The following LZTFL1 variants were observed in gnomAD, a reference collection of about 807,000 sequenced individuals.
LZTFL1 encodes the protein leucine zipper transcription factor like 1.
A neutral mutation model predicts 45.9 loss-of-function variants in LZTFL1; 25 were observed. That is an observed-to-expected ratio of 0.54 (90% CI 0.40 to 0.76). LZTFL1 has a LOEUF of 0.76. LZTFL1 is among the 30% of genes least tolerant of loss of function. LZTFL1 has a pLI of 0.00. For synonymous variants in LZTFL1, 93 were observed against 117.4 expected, an observed-to-expected ratio of 0.79 and a Z score of 1.35; for missense variants, 277 against 331.1, an observed-to-expected ratio of 0.84 and a Z score of 1.27.
chr3:45,888,801 G>T (rs1426809862), intron 2 of LZTFL1, among the ~76,000 whole-genome samples: 1 of 151,684 alleles, frequency 6.6e-6, no homozygotes, highest in African/African-American at 2.4e-5. Context: ...TGACAAAAAT[G>T]AAAGAGAAAT....
intron 2 of LZTFL1, among the ~76,000 whole-genome samples, chr3:45,910,748 G>T (rs1418533530): frequency 1.3e-5 from 2 of 152,196 alleles, no homozygotes; most frequent in African/African-American, 4.8e-5. Flanking sequence ...TAAGAACCTT[G>T]CTTGTATTCA....
At chr3:45,886,041 T>G (rs1701972258) in intron 2 of LZTFL1, among the ~76,000 whole-genome samples, 1 of 152,184 alleles carries the variant, frequency 6.6e-6, no homozygotes, top group African/African-American at 2.4e-5. Context: ...TTAATTAATT[T>G]GAATTTAAAT....
At position 45,901,449 on chromosome 3, in the gene LZTFL1, C is replaced by G; in HGVS notation, c.-215+11671G>C. The G allele has an allele frequency of 6.2e-7, 1 of 1,614,156 alleles. No individual in the cohort carries two copies. Among genetic ancestry groups the G allele is most frequent in the African/African-American group, 1.3e-5 (1 of 75,034 alleles). On this transcript the variant is annotated intron_variant, in intron 2 of 4. Transcript: ENST00000472635. The surrounding 1 kb of genome is among the most constrained non-coding windows in gnomAD (Gnocchi z 4.3). ...AGCTGTCTTGACCCTGAAGGTCATT[C>G]TGGGGTTCTTCCTTCCCTTCGTGGT...
intron 1 of LZTFL1, among the ~76,000 whole-genome samples, chr3:45,840,535 A>G (rs1701080877): frequency 6.6e-6 from 1 of 152,270 alleles, no homozygotes; most frequent in African/African-American, 2.4e-5. Flanking sequence ...TATGATGATC[A>G]GTCCTAAAAT....
intron 2 of LZTFL1, among the ~76,000 whole-genome samples, chr3:45,909,297 T>C (rs892167841): frequency 6.6e-6 from 1 of 152,198 alleles, no homozygotes; most frequent in African/African-American, 2.4e-5. Context: ...TGCAGGTCCA[T>C]GGAAAAACTG....
intron 2 of LZTFL1, chr3:45,902,166 C>A: frequency 5.8e-6 from 2 of 347,000 alleles, no homozygotes; most frequent in Non-Finnish European, 1.1e-5. Context: ...AGCACCCTGG[C>A]TTTGCCACTC....
At chr3:45,826,651 C>A (rs2125674291) in intron 9 of LZTFL1, among the ~76,000 whole-genome samples, 1 of 152,338 alleles carries the variant, frequency 6.6e-6, no homozygotes, top group African/African-American at 2.4e-5. Flanking sequence ...AGCAAATCTA[C>A]TTCTCTAAGG....
chr3:45,901,754 G>A lies in LZTFL1; in HGVS notation c.-215+11366C>T. The A allele has an allele frequency of 6.2e-7, 1 of 1,614,170 alleles. No individual in the cohort carries two copies. On this transcript the variant is annotated intron_variant, in intron 2 of 4. Transcript: ENST00000472635. The surrounding 1 kb of genome is among the most constrained non-coding windows in gnomAD (Gnocchi z 4.3). ...CTGTTCTCTATGTTTTTGTGGGTGA[G>A]AGATTCCGCCGGGATCTCGTGAAAA...
chr3:45,915,359 C>A lies in LZTFL1; in HGVS notation c.-273+62G>T, dbSNP rs1420966661. 7 of 369,496 alleles carry A rather than the reference C, an allele frequency of 1.9e-5. No individual in the cohort carries two copies. The Admixed American group carries it at 2.3e-4, about 12-fold the overall frequency. The allele number at this position is 369,496 out of a possible 1,614,324, so 22.9% of individuals were successfully genotyped here. On this transcript the variant is annotated intron_variant, in intron 1 of 4. Transcript: ENST00000472635. The stretch of plus-strand genomic sequence containing the variant: ...CCCGCACCGCCCACCTCCGCCCCAC[C>A]CTTCTCCCTCACCAGCTTTCCTCTC...
At chr3:45,841,892 G>A (rs999703791) in intron 1 of LZTFL1, 97 bp downstream of exon 1, 1 of 1,480,728 alleles carries the variant, frequency 6.8e-7, no homozygotes, top group Non-Finnish European at 9.2e-7. Context: ...GACCCAACGA[G>A]GCCACGTAAT....
At chr3:45,912,886 T>C (rs1321695401) in intron 2 of LZTFL1, among the ~76,000 whole-genome samples, 3 of 152,196 alleles carry the variant, frequency 2.0e-5, no homozygotes, top group Non-Finnish European at 2.9e-5. Flanking sequence ...CGCAGAATAA[T>C]GCAGCTTGGT....
intron 2 of LZTFL1, among the ~76,000 whole-genome samples, chr3:45,910,447 G>A (rs2125773008): frequency 6.6e-6 from 1 of 152,328 alleles, no homozygotes; most frequent in Middle Eastern, 3.4e-3. Flanking sequence ...GAGCAAGTCT[G>A]GGGATGCTAC....
In LZTFL1 at chr3:45,828,620, G is replaced by A. The variant is rs1261478047; in HGVS notation, c.601-5C>T. 6 of 1,597,742 alleles carry A rather than the reference G, an allele frequency of 3.8e-6. No homozygotes were observed. In the East Asian group the frequency reaches 1.3e-4, roughly 36 times the overall value. ...GTCTTGGGCCTTTATAAAATCCTAT[G>A]AAAAATAAATGCATGCATGTAATTT... On this transcript the variant is annotated splice_region_variant and splice_polypyrimidine_tract_variant and intron_variant, in intron 7 of 9. Coordinates refer to ENST00000296135, the MANE Select transcript of LZTFL1 (RefSeq NM_020347.4).
chr3:45,891,196 G>A (rs1306640519), intron 2 of LZTFL1, among the ~76,000 whole-genome samples: 1 of 152,358 alleles, frequency 6.6e-6, no homozygotes, highest in East Asian at 1.9e-4. Flanking sequence ...GCTGGGTAAG[G>A]TCACGGCCGG....
chr3:45,910,882 T>A (rs756468022), intron 2 of LZTFL1, among the ~76,000 whole-genome samples: 1 of 152,156 alleles, frequency 6.6e-6, no homozygotes, highest in African/African-American at 2.4e-5. Flanking sequence ...CATATTTAGC[T>A]TGGGGTCTCT....
chr3:45,911,647 C>T (rs1702796765), intron 2 of LZTFL1, among the ~76,000 whole-genome samples: 1 of 152,228 alleles, frequency 6.6e-6, no homozygotes, highest in African/African-American at 2.4e-5. Context: ...GGACAGGGGG[C>T]CCTAGCTGGG....
intron 2 of LZTFL1, among the ~76,000 whole-genome samples, chr3:45,888,699 T>A (rs183173025): frequency 6.6e-6 from 1 of 152,312 alleles, no homozygotes; most frequent in East Asian, 1.9e-4. Context: ...TTTTCCCCCC[T>A]ATATTTTTCC....
In LZTFL1 at chr3:45,901,119, C is replaced by A. The variant is rs113503995; in HGVS notation, c.-215+12001G>T. On this transcript the variant is annotated intron_variant, in intron 2 of 4. Coordinates refer to the LZTFL1 transcript ENST00000472635. The surrounding 1 kb of genome is among the most constrained non-coding windows in gnomAD (Gnocchi z 4.3). Reference sequence around the variant, plus strand: ...CTTCTGGGCCATTGCTGCTGCTGACCAGTGGAAGTTCCAGACCTTCATGTG... The same window carrying A: ...CTTCTGGGCCATTGCTGCTGCTGACAAGTGGAAGTTCCAGACCTTCATGTG... 1.1e-5 allele frequency: 18 copies of A among 1,614,144 alleles called. No individual in the cohort carries two copies. In the African/African-American group the frequency reaches 1.3e-4, roughly 12 times the overall value.
intron 2 of LZTFL1, among the ~76,000 whole-genome samples, chr3:45,877,739 T>C (rs1701772826): frequency 6.7e-6 from 1 of 150,164 alleles, no homozygotes; most frequent in Non-Finnish European, 1.5e-5. Context: ...TTTCATTTAT[T>C]AGTTTTTTTT....
Sources: gnomAD v4.1 joint callset for allele counts (sites outside exome capture counted in the v4.1 genomes callset) on GRCh38, gnomAD v4.1.1 for gene constraint, Gnocchi (gnomAD v3.1) non-coding constraint, MANE v1.5 for transcripts, NCBI Gene and HGNC (gene_info 2026-07-23, HGNC 2026-07-21) for gene names.